NFILZ: variants seen among roughly 807,000 people sequenced by gnomAD.
NFILZ encodes NFIL3 like protein.
At chr19:8,667,055 C>T (rs1229630231) in intron 3 of NFILZ, among the ~76,000 whole-genome samples, 7 of 151,780 alleles carry the variant, frequency 4.6e-5, no homozygotes, top group African/African-American at 1.7e-4. Context: ...CGGCTGTTGG[C>T]CATCTCTCTC....
At chr19:8,635,785 C>T (rs1555746039) in intron 3 of NFILZ, 39 bp downstream of exon 3, 1 of 151,976 alleles carries the variant, frequency 6.6e-6, no homozygotes, top group African/African-American at 2.4e-5. Context: ...CCTATGAGTC[C>T]TTATTCTCTC....
chr19:8,663,734 G>GTT (rs2043045453), intron 3 of NFILZ, among the ~76,000 whole-genome samples: 3 of 110,648 alleles, frequency 2.7e-5, no homozygotes, highest in African/African-American at 3.1e-5. Context: ...GTGTGTGTGT[G>GTT]TGTGTGTGTG....
At chr19:8,633,901 TC>T (rs2042882367) in intron 2 of NFILZ, among the ~76,000 whole-genome samples, 1 of 142,934 alleles carries the variant, frequency 7.0e-6, no homozygotes, top group African/African-American at 2.6e-5. Flanking sequence ...CTTCCTTCCT[TC>T]CTTCCTTCCT....
intron 3 of NFILZ, among the ~76,000 whole-genome samples, chr19:8,643,048 C>G (rs2042925610): frequency 6.6e-6 from 1 of 151,178 alleles, no homozygotes; most frequent in Admixed American, 6.6e-5. Flanking sequence ...CTCCTAGGCT[C>G]AAGCTCTCCC....
intron 3 of NFILZ, among the ~76,000 whole-genome samples, chr19:8,668,426 T>A (rs998858231): frequency 2.0e-5 from 3 of 152,224 alleles, no homozygotes; most frequent in Admixed American, 1.3e-4. Context: ...TATATCTACA[T>A]GTTTTTCTTT....
At chr19:8,649,662 T>G (rs1600143989) in intron 3 of NFILZ, among the ~76,000 whole-genome samples, 4 of 152,172 alleles carry the variant, frequency 2.6e-5, no homozygotes, top group African/African-American at 9.7e-5. Context: ...GTTTTCTTGG[T>G]CCAGCCCAGT....
At chr19:8,658,405 A>G (rs2043014646) in intron 3 of NFILZ, among the ~76,000 whole-genome samples, 1 of 151,646 alleles carries the variant, frequency 6.6e-6, no homozygotes, top group African/African-American at 2.4e-5. Context: ...ATATTTAGAG[A>G]CCAGTAGGGG....
rs991977207 is a variant in NFILZ at position 8,680,801 on chromosome 19, T to C, written c.*3166T>C. 6.6e-6 allele frequency among the ~76,000 whole-genome samples: 1 copy of C among 151,826 alleles called. No homozygotes were observed. Among genetic ancestry groups the C allele is most frequent in the South Asian group, 2.1e-4 (1 of 4,802 alleles). ...CATTTGAACAGAGACTTGAGAGAGATGAAGGGGGGAGTCATGCATGTATCA... is the reference window on the plus strand; with the variant it reads ...CATTTGAACAGAGACTTGAGAGAGACGAAGGGGGGAGTCATGCATGTATCA... On this transcript the variant is annotated 3_prime_UTR_variant, in exon 6 of 6. Transcript: ENST00000691075.
At chr19:8,673,889 G>A (rs548554940) in intron 3 of NFILZ, among the ~76,000 whole-genome samples, 2 of 152,288 alleles carry the variant, frequency 1.3e-5, no homozygotes, top group African/African-American at 4.8e-5. Flanking sequence ...CGCCCAGGCT[G>A]GAGTGCAGTG....
At position 8,677,853 on chromosome 19, in the gene NFILZ, G is replaced by A. The variant is rs1600157904; in HGVS notation, c.*218G>A. On this transcript the variant is annotated 3_prime_UTR_variant, in exon 6 of 6. Coordinates refer to ENST00000691075, the MANE Select transcript of NFILZ (RefSeq NM_001378600.1). ...CATCTTGGATTCTACCATGGCTCTT[G>A]CCTTGCCTTAAAATCTATGCTTTGG... is the stretch of plus-strand genomic sequence containing the variant. Among the ~76,000 whole-genome samples the A allele has an allele frequency of 6.6e-6, 1 of 152,008 alleles. No homozygotes were observed. Among genetic ancestry groups the A allele is most frequent in the East Asian group, 1.9e-4 (1 of 5,158 alleles).
rs2042975490 is a variant in NFILZ, at chr19:8,653,039, T to TCTTTCTCTCTCC, written c.-164+17295_-164+17296insTTCTCTCTCCCT. 3.3e-3 allele frequency among the ~76,000 whole-genome samples: 251 copies of TCTTTCTCTCTCC among 77,218 alleles called. 5 individuals carry two copies. Among genetic ancestry groups the TCTTTCTCTCTCC allele is most frequent in the Non-Finnish European group, 4.1e-3 (162 of 39,814 alleles). 50.7% of individuals were successfully genotyped at this position (77,218 alleles called of 152,430 possible). A position where few individuals can be genotyped will look rare whatever the true frequency, so the allele number is the denominator to read the frequency against. On this transcript the variant is annotated intron_variant, in intron 3 of 5. Transcript: ENST00000691075. The stretch of plus-strand genomic sequence containing the variant: ...TTCTTTCTTTCTTTCTTTCTTTCTT[T>TCTTTCTCTCTCC]CTCTCTCTCTCTCTCTCTCTCTCTC...
chr19:8,632,373 G>A (rs1418000124), intron 1 of NFILZ, 103 bp from the exon 2 acceptor site: 2 of 152,006 alleles, frequency 1.3e-5, no homozygotes, highest in Non-Finnish European at 2.9e-5. Context: ...AGACTTACTG[G>A]GCTGCACTCC....
At chr19:8,669,757 G>A (rs1325426926) in intron 3 of NFILZ, among the ~76,000 whole-genome samples, 2 of 152,188 alleles carry the variant, frequency 1.3e-5, no homozygotes, top group Non-Finnish European at 2.9e-5. Flanking sequence ...ACCTCTCAGA[G>A]CTTTGCTTTC....
At chr19:8,643,862 G>A (rs1399954947) in intron 3 of NFILZ, among the ~76,000 whole-genome samples, 1 of 151,962 alleles carries the variant, frequency 6.6e-6, no homozygotes, top group African/African-American at 2.4e-5. Context: ...ATCTCTTTCT[G>A]TTGCTGTCGC....
At chr19:8,630,848 C>T (rs782049726) in intron 1 of NFILZ, 104 bp downstream of exon 1, 3 of 152,252 alleles carry the variant, frequency 2.0e-5, no homozygotes, top group South Asian at 4.1e-4. Flanking sequence ...CTCCTCTCTC[C>T]CCCACACAGG....
At chr19:8,663,768 GTGTA>G (rs1455616558) in intron 3 of NFILZ, among the ~76,000 whole-genome samples, 6 of 146,260 alleles carry the variant, frequency 4.1e-5, no homozygotes, top group African/African-American at 1.3e-4. Context: ...GTGTGTGTGT[GTGTA>G]TGTATGTGTG....
At chr19:8,672,151 C>CA (rs141227959) in intron 3 of NFILZ, among the ~76,000 whole-genome samples, 3,594 of 152,090 alleles carry the variant, frequency 0.024, 153 homozygotes, top group African/African-American at 0.082. Context: ...TTAGTTCATT[C>CA]AAAAAATCCA....
intron 2 of NFILZ, among the ~76,000 whole-genome samples, chr19:8,633,464 G>A (rs1463317588): frequency 3.9e-5 from 6 of 152,160 alleles, no homozygotes; most frequent in Non-Finnish European, 1.5e-5. Flanking sequence ...TGGCAGTGAG[G>A]TAGGGAAGCT....
rs1322588077 is a variant in NFILZ, at chr19:8,679,752, C to G, written c.*2117C>G. Among the ~76,000 whole-genome samples the G allele has an allele frequency of 1.3e-5, 2 of 152,142 alleles. No individual in the cohort carries two copies. The highest frequency in any genetic ancestry group is 3.9e-4 in the East Asian group (2 of 5,188). On this transcript the variant is annotated 3_prime_UTR_variant, in exon 6 of 6. Coordinates refer to ENST00000691075, the MANE Select transcript of NFILZ (RefSeq NM_001378600.1). ...CCTGACCTTCCAGCAGGTGGCTTTT[C>G]TCATGTCACTGAGCCTCCCTTATAC... is the stretch of plus-strand genomic sequence containing the variant.
Sources: allele counts gnomAD v4.1 joint callset (sites outside exome capture counted in the v4.1 genomes callset), GRCh38; gene constraint gnomAD v4.1.1; transcripts MANE v1.5; gene names NCBI Gene and HGNC (gene_info 2026-07-23, HGNC 2026-07-21).